ARL15: variants seen among roughly 807,000 people sequenced by gnomAD.
The protein encoded by ARL15 is ADP-ribosylation factor-like protein 15.
In ARL15, 19 loss-of-function variants were observed where a neutral mutation model predicts 25.2. The ratio of observed to expected loss-of-function variants is 0.75; its 90% CI spans 0.53 to 1.10. The LOEUF is 1.10. Ranked by LOEUF, ARL15 falls within the 50% of genes least tolerant of loss-of-function variation. The probability of loss-of-function intolerance (pLI) is 0.00; values close to 1 mark genes in which losing one functional copy is unlikely to be tolerated. For missense variants in ARL15, 220 were observed against 246.0 expected (o/e 0.89, Z 0.71); for synonymous variants, 94 against 86.8 (o/e 1.08, Z -0.46).
At chr5:54,072,505 T>G (rs887907118) in intron 4 of ARL15, among the ~76,000 whole-genome samples, 2 of 152,288 alleles carry the variant, frequency 1.3e-5, no homozygotes, top group East Asian at 3.9e-4. Context: ...GCTATCATCA[T>G]GTGGTCTAAA....
intron 1 of ARL15, among the ~76,000 whole-genome samples, chr5:54,261,059 G>A (rs1022258349): frequency 6.6e-6 from 1 of 152,150 alleles, no homozygotes; most frequent in African/African-American, 2.4e-5. Context: ...CCTCATTTGT[G>A]AGGAATGAGG....
chr5:54,144,454 T>C (rs1165733662), intron 3 of ARL15, among the ~76,000 whole-genome samples: 2 of 152,216 alleles, frequency 1.3e-5, no homozygotes, highest in Admixed American at 1.3e-4. Context: ...TCATTTTAAA[T>C]TTTAAAGTCA....
intron 4 of ARL15, among the ~76,000 whole-genome samples, chr5:53,997,274 G>A (rs571476411): frequency 2.7e-4 from 41 of 152,152 alleles, no homozygotes; most frequent in Admixed American, 7.9e-4. Context: ...CTCTGGGCTC[G>A]TCGTTCTTCA....
chr5:54,071,790 T>C (rs1461176860), intron 4 of ARL15, among the ~76,000 whole-genome samples: 1 of 151,458 alleles, frequency 6.6e-6, no homozygotes, highest in African/African-American at 2.4e-5. Context: ...GCTAACACGG[T>C]GAAACCCCGT....
Position 54,249,936 on chromosome 5 carries a change from T to C in ARL15, c.48+60496A>G, listed in dbSNP as rs10062436. Reference sequence around the variant, plus strand: ...AGGGTCCTGTGGAGAATATATTCAATGACTGGTCATAGGGTGTGTCAGACC... The same window carrying C: ...AGGGTCCTGTGGAGAATATATTCAACGACTGGTCATAGGGTGTGTCAGACC... On this transcript the variant is annotated intron_variant, in intron 1 of 4. Transcript: ENST00000504924. Among the ~76,000 whole-genome samples, 602 of 152,318 alleles carry C rather than the reference T, an allele frequency of 4.0e-3. 6 individuals carry two copies. The highest frequency in any genetic ancestry group is 0.014 in the African/African-American group (569 of 41,578).
chr5:54,193,499 A>G (rs749119793), intron 1 of ARL15, among the ~76,000 whole-genome samples: 3 of 152,132 alleles, frequency 2.0e-5, no homozygotes, highest in Non-Finnish European at 2.9e-5. Context: ...ACAGCATTAG[A>G]TTCTCATAGA....
chr5:54,310,296 A>G (rs887108842), intron 1 of ARL15, 136 bp downstream of exon 1: 5 of 996,922 alleles, frequency 5.0e-6, no homozygotes, highest in Non-Finnish European at 5.8e-6. Context: ...AAGGCTTACC[A>G]GCCGGCTGCG....
At chr5:54,186,800 T>C (rs945308280) in intron 1 of ARL15, among the ~76,000 whole-genome samples, 1 of 151,986 alleles carries the variant, frequency 6.6e-6, no homozygotes, top group Non-Finnish European at 1.5e-5. Context: ...TTCATGAAGA[T>C]ATTAGAGAGG....
intron 3 of ARL15, among the ~76,000 whole-genome samples, chr5:54,130,370 C>G (rs965469953): frequency 6.6e-6 from 1 of 151,910 alleles, no homozygotes; most frequent in Non-Finnish European, 1.5e-5. Flanking sequence ...AATGCAACAC[C>G]CAGTGACGAT....
chr5:54,171,940 AGGGG>A lies in ARL15; in HGVS notation c.49-16_49-13del, dbSNP rs1255158206. The A allele has an allele frequency of 1.6e-5, 26 of 1,605,330 alleles. No homozygotes were observed. The highest frequency in any genetic ancestry group is 1.0e-4 in the Admixed American group (6 of 59,084). ...AGTGCTCTAAAACACTGCCAAAAGA[AGGGG>A]AAAAAAATGTTCCTTTAAATGACAG... On this transcript the variant is annotated splice_polypyrimidine_tract_variant and intron_variant, in intron 1 of 4. Coordinates refer to ENST00000504924, the MANE Select transcript of ARL15 (RefSeq NM_019087.3).
At chr5:53,952,301 G>T (rs921645055) in intron 4 of ARL15, among the ~76,000 whole-genome samples, 1 of 151,962 alleles carries the variant, frequency 6.6e-6, no homozygotes, top group African/African-American at 2.4e-5. Context: ...GAGAGTGAAA[G>T]AATTTGAGTC....
chr5:53,952,004 G>T (rs559664119), intron 4 of ARL15, among the ~76,000 whole-genome samples: 6 of 151,880 alleles, frequency 4.0e-5, no homozygotes, highest in South Asian at 4.2e-4. Context: ...GTGGTGGCTC[G>T]CGCCTGTAAT....
At chr5:53,911,647 T>C (rs537928801) in intron 4 of ARL15, among the ~76,000 whole-genome samples, 1 of 152,284 alleles carries the variant, frequency 6.6e-6, no homozygotes, top group East Asian at 1.9e-4. Context: ...CTGGGCAGTG[T>C]ACACTGTACC....
intron 4 of ARL15, among the ~76,000 whole-genome samples, chr5:54,102,153 CAGGCGTGCACCACCA>C (rs1372187155): frequency 6.6e-6 from 1 of 151,848 alleles, no homozygotes; most frequent in African/African-American, 2.4e-5. Context: ...GCTGGAATTA[CAGGCGTGCACCACCA>C]CGCCCGGCTA....
rs141186558 is a variant in ARL15, at chr5:54,160,276, T to C, written c.194-5637A>G. Among the ~76,000 whole-genome samples, 10 of 152,368 alleles carry C rather than the reference T, an allele frequency of 6.6e-5. No homozygotes were observed. In the East Asian group the frequency reaches 1.9e-3, roughly 29 times the overall value. ...AAAATCTGACTTTCTAACTTGTTTCTCTTGTTGGCTTAACACATTTGAAGC... is the reference window on the plus strand; with the variant it reads ...AAAATCTGACTTTCTAACTTGTTTCCCTTGTTGGCTTAACACATTTGAAGC... On this transcript the variant is annotated intron_variant, in intron 2 of 4. Transcript: ENST00000504924.
chr5:54,070,382 A>G (rs1448185908), intron 4 of ARL15, among the ~76,000 whole-genome samples: 1 of 150,344 alleles, frequency 6.7e-6, no homozygotes, highest in Non-Finnish European at 1.5e-5. Context: ...ACAGAGCGAG[A>G]CTCCGTCTCA....
chr5:54,218,844 T>A (rs143805807), intron 1 of ARL15, among the ~76,000 whole-genome samples: 1 of 152,166 alleles, frequency 6.6e-6, no homozygotes, highest in Non-Finnish European at 1.5e-5. Flanking sequence ...AAAGACTCTT[T>A]AACCTATGTG....
intron 4 of ARL15, among the ~76,000 whole-genome samples, chr5:54,057,032 A>G (rs1473705931): frequency 6.6e-6 from 1 of 151,688 alleles, no homozygotes; most frequent in Non-Finnish European, 1.5e-5. Context: ...GAAGAAAGAA[A>G]AGTTTTAGAA....
chr5:54,291,665 C>G, intron 1 of ARL15, among the ~76,000 whole-genome samples: 1 of 152,126 alleles, frequency 6.6e-6, no homozygotes, highest in Non-Finnish European at 1.5e-5. Flanking sequence ...CCAAGCCGCC[C>G]ACATCTACTA....
Sources: gnomAD v4.1 joint callset for allele counts (sites outside exome capture counted in the v4.1 genomes callset) on GRCh38, gnomAD v4.1.1 for gene constraint, MANE v1.5 for transcripts, NCBI Gene and HGNC (gene_info 2026-07-23, HGNC 2026-07-21) for gene names.